The following RBFOX1 variants were observed in gnomAD, a reference collection of about 807,000 sequenced individuals.
RBFOX1 encodes the protein RNA binding protein fox-1 homolog 1.
A neutral mutation model predicts 57.7 loss-of-function variants in RBFOX1; 8 were observed. The observed-to-expected ratio is 0.14, with a 90% CI of 0.08 to 0.25. The LOEUF (loss-of-function observed/expected upper bound fraction) is 0.25, where lower values mean the gene tolerates loss of function less well. RBFOX1 is among the 10% of genes least tolerant of loss of function. The pLI, the probability that RBFOX1 is intolerant of heterozygous loss-of-function variation, is 1.00. For missense variants in RBFOX1, 611 were observed against 548.5 expected (o/e 1.11, Z -1.14); for synonymous variants, 326 against 222.4 (o/e 1.47, Z -4.15).
rs1264466206 is a variant in RBFOX1, at chr16:6,482,121, C to T, written c.-64+165064C>T. ...GCATAAAATCCTAATCAGTTGTATA[C>T]AAGTTGTATACTTTAACTCAAATAA... On this transcript the variant is annotated intron_variant, in intron 2 of 15. Coordinates refer to ENST00000550418, the MANE Select transcript of RBFOX1 (RefSeq NM_018723.4). Among the ~76,000 whole-genome samples, 2 of 152,268 alleles carry T rather than the reference C, an allele frequency of 1.3e-5. 1 individual carries two copies. The highest frequency in any genetic ancestry group is 2.9e-5 in the Non-Finnish European group (2 of 68,032).
chr16:6,694,277 G>A (rs916238072), intron 3 of RBFOX1, among the ~76,000 whole-genome samples: 1 of 152,156 alleles, frequency 6.6e-6, no homozygotes, highest in East Asian at 1.9e-4. Context: ...GTTGGTGTGT[G>A]AGTCAATTTT....
At chr16:7,061,136 C>A (rs574204310) in intron 4 of RBFOX1, among the ~76,000 whole-genome samples, 1 of 152,246 alleles carries the variant, frequency 6.6e-6, no homozygotes, top group Admixed American at 6.5e-5. Flanking sequence ...TTTCTCCAAG[C>A]AAAGGGAGTT....
chr16:7,487,420 T>A (rs1203237319), intron 4 of RBFOX1, among the ~76,000 whole-genome samples: 1 of 152,192 alleles, frequency 6.6e-6, no homozygotes, highest in East Asian at 1.9e-4. Flanking sequence ...GCACTCCCCA[T>A]GCAGTTGAGA....
intron 4 of RBFOX1, among the ~76,000 whole-genome samples, chr16:5,870,605 A>G (rs1426639680): frequency 1.3e-5 from 2 of 151,582 alleles, no homozygotes; most frequent in Non-Finnish European, 2.9e-5. Flanking sequence ...TCCCAGATGG[A>G]ACAGTTTTTT....
intron 1 of RBFOX1, among the ~76,000 whole-genome samples, chr16:6,142,667 G>C (rs997438698): frequency 2.6e-5 from 4 of 152,210 alleles, no homozygotes; most frequent in Admixed American, 2.6e-4. Context: ...GAATGAATGA[G>C]TGAATGAAGG....
chr16:6,063,501 A>C (rs1392388118), intron 1 of RBFOX1, among the ~76,000 whole-genome samples: 2 of 58,642 alleles, frequency 3.4e-5, no homozygotes, highest in South Asian at 8.6e-4. Context: ...ACACACACAC[A>C]CACACCCCCT....
At chr16:5,427,921 CAATT>C (rs2067611994) in intron 1 of RBFOX1, among the ~76,000 whole-genome samples, 1 of 152,228 alleles carries the variant, frequency 6.6e-6, no homozygotes, top group Non-Finnish European at 1.5e-5. Flanking sequence ...TTGATGTACA[CAATT>C]AACCATCACA....
At chr16:6,201,311 G>A (rs866396039) in intron 1 of RBFOX1, among the ~76,000 whole-genome samples, 2 of 152,260 alleles carry the variant, frequency 1.3e-5, no homozygotes, top group South Asian at 2.1e-4. Context: ...TTTTCTTTGG[G>A]AGAGAGCCAG....
chr16:6,597,043 CTTG>C (rs1388192206), intron 2 of RBFOX1, among the ~76,000 whole-genome samples: 35 of 152,246 alleles, frequency 2.3e-4, no homozygotes, highest in African/African-American at 5.1e-4. Flanking sequence ...GTTTGATTTT[CTTG>C]CCCCCTACAG....
intron 3 of RBFOX1, among the ~76,000 whole-genome samples, chr16:5,650,128 G>T (rs999399824): frequency 6.6e-6 from 1 of 152,138 alleles, no homozygotes. Flanking sequence ...CTGTGGTTTC[G>T]ACAGGGACTC....
Position 6,535,423 on chromosome 16 carries a change from C to G in RBFOX1, c.-63-119180C>G, listed in dbSNP as rs932820184. 1.2e-3 allele frequency among the ~76,000 whole-genome samples: 26 copies of G among 21,740 alleles called. No homozygotes were observed. The Non-Finnish European group carries it at 0.017, about 14-fold the overall frequency. 14.3% of individuals were successfully genotyped at this position (21,740 alleles called of 152,430 possible). A position where few individuals can be genotyped will look rare whatever the true frequency, so the allele number is the denominator to read the frequency against. On this transcript the variant is annotated intron_variant, in intron 2 of 15. Coordinates refer to ENST00000550418, the MANE Select transcript of RBFOX1 (RefSeq NM_018723.4). ...CAAGCCCTGCCACCCTAAATCACAT[C>G]AGAAAAGAACCCCTATGCATTTTCT...
At chr16:7,618,921 T>A (rs949571441) in intron 10 of RBFOX1, among the ~76,000 whole-genome samples, 2 of 152,176 alleles carry the variant, frequency 1.3e-5, no homozygotes, top group Admixed American at 6.5e-5. Context: ...ATAAAGCCAG[T>A]GGAAAATGGA....
At chr16:5,898,295 T>A (rs114770207) in intron 4 of RBFOX1, among the ~76,000 whole-genome samples, 203 of 151,968 alleles carry the variant, frequency 1.3e-3, no homozygotes, top group African/African-American at 4.5e-3. Context: ...TAAATTCGAG[T>A]TGAGATTTGG....
intron 1 of RBFOX1, among the ~76,000 whole-genome samples, chr16:6,154,740 A>C (rs528679002): frequency 1.3e-5 from 2 of 152,316 alleles, no homozygotes; most frequent in Admixed American, 6.5e-5. Context: ...TGTTTTAGGA[A>C]ATTTGCAATG....
chr16:6,867,702 G>A (rs1485975669), intron 3 of RBFOX1, among the ~76,000 whole-genome samples: 1 of 152,120 alleles, frequency 6.6e-6, no homozygotes, highest in Admixed American at 6.5e-5. Flanking sequence ...ACAAGACTCT[G>A]TCTCAGAAGG....
intron 2 of RBFOX1, among the ~76,000 whole-genome samples, chr16:6,634,777 A>G (rs574614989): frequency 1.8e-3 from 80 of 45,232 alleles, no homozygotes; most frequent in African/African-American, 3.7e-3. Context: ...TGTACTAAAT[A>G]TATAATACAA....
At chr16:7,179,241 A>C (rs1231499376) in intron 4 of RBFOX1, among the ~76,000 whole-genome samples, 1 of 151,902 alleles carries the variant, frequency 6.6e-6, no homozygotes, top group African/African-American at 2.4e-5. Flanking sequence ...TTTTTTCCAA[A>C]AAGAAAATAC....
chr16:6,045,188 G>A (rs551983001), intron 1 of RBFOX1, among the ~76,000 whole-genome samples: 1 of 152,294 alleles, frequency 6.6e-6, no homozygotes, highest in African/African-American at 2.4e-5. Context: ...TCTAGGGTGG[G>A]ACCTGAGATT....
chr16:6,796,054 C>G (rs946630654), intron 3 of RBFOX1, among the ~76,000 whole-genome samples: 14 of 149,808 alleles, frequency 9.3e-5, no homozygotes, highest in Non-Finnish European at 1.5e-4. Context: ...TGAGATTGGG[C>G]AATTTACAAA....
Sources: allele counts gnomAD v4.1 joint callset (sites outside exome capture counted in the v4.1 genomes callset), GRCh38; gene constraint gnomAD v4.1.1; transcripts MANE v1.5; gene names NCBI Gene and HGNC (gene_info 2026-07-23, HGNC 2026-07-21).